Variants in DGKB observed in about 807,000 individuals in gnomAD.
DGKB encodes the protein diacylglycerol kinase beta.
Under a neutral mutation model 114.3 loss-of-function variants are expected in DGKB, and 67 were observed. That is an observed-to-expected ratio of 0.59 (90% CI 0.48 to 0.72). The LOEUF is 0.72. Ranked by LOEUF, DGKB falls within the 30% of genes least tolerant of loss-of-function variation. The pLI is 0.00. For synonymous variants in DGKB, 398 were observed against 323.1 expected (o/e 1.23, Z -2.49); for missense variants, 907 against 975.2 (o/e 0.93, Z 0.93).
intron 13 of DGKB, among the ~76,000 whole-genome samples, chr7:14,661,326 A>G (rs1817022992): frequency 1.4e-5 from 2 of 147,490 alleles, no homozygotes; most frequent in Non-Finnish European, 3.0e-5. Context: ...GCTAATATCC[A>G]GAATCTACAA....
intron 2 of DGKB, among the ~76,000 whole-genome samples, chr7:14,802,161 T>A (rs796951732): frequency 2.0e-5 from 3 of 152,232 alleles, no homozygotes; most frequent in African/African-American, 7.2e-5. Context: ...TAACTTTTAT[T>A]ACAAACTATA....
chr7:14,307,824 T>C (rs1168912944), intron 23 of DGKB, among the ~76,000 whole-genome samples: 1 of 152,150 alleles, frequency 6.6e-6, no homozygotes, highest in Non-Finnish European at 1.5e-5. Flanking sequence ...TCATATAAGC[T>C]CTAGCTTTTT....
intron 21 of DGKB, among the ~76,000 whole-genome samples, chr7:14,448,089 T>G (rs1388026910): frequency 6.6e-6 from 1 of 152,060 alleles, no homozygotes; most frequent in Non-Finnish European, 1.5e-5. Context: ...CAGTTTTGTG[T>G]GCAAGACAGT....
At chr7:14,154,163 T>C (rs923128530) in intron 25 of DGKB, among the ~76,000 whole-genome samples, 8 of 140,842 alleles carry the variant, frequency 5.7e-5, no homozygotes, top group Admixed American at 3.8e-4. Context: ...TAAATTGATA[T>C]GGTAGAGTTT....
intron 2 of DGKB, among the ~76,000 whole-genome samples, chr7:14,793,177 A>C (rs956584287): frequency 3.9e-5 from 6 of 152,174 alleles, no homozygotes; most frequent in Non-Finnish European, 8.8e-5. Flanking sequence ...TTCTACATAA[A>C]TATTATAATG....
chr7:14,350,363 T>A (rs936711771), intron 21 of DGKB, among the ~76,000 whole-genome samples: 4 of 152,128 alleles, frequency 2.6e-5, no homozygotes, highest in African/African-American at 7.2e-5. Flanking sequence ...TTGGCTTTCA[T>A]CGGCTTAGTA....
At chr7:14,628,299 C>G (rs1809009610) in intron 14 of DGKB, among the ~76,000 whole-genome samples, 1 of 108,752 alleles carries the variant, frequency 9.2e-6, no homozygotes, top group Non-Finnish European at 2.1e-5. Context: ...GACAAAATAA[C>G]ACAAGTTATG....
intron 20 of DGKB, among the ~76,000 whole-genome samples, chr7:14,534,437 A>C (rs1468690438): frequency 6.6e-6 from 1 of 152,156 alleles, no homozygotes; most frequent in Non-Finnish European, 1.5e-5. Flanking sequence ...AAGTGGGAAC[A>C]GTAAAACCTT....
intron 13 of DGKB, among the ~76,000 whole-genome samples, chr7:14,648,497 A>C (rs940414263): frequency 1.0e-5 from 1 of 98,658 alleles, no homozygotes; most frequent in African/African-American, 3.3e-5. Context: ...CCATCTGTAC[A>C]TCACCATCAT....
At chr7:14,467,418 T>C (rs1780643028) in intron 21 of DGKB, among the ~76,000 whole-genome samples, 1 of 150,948 alleles carries the variant, frequency 6.6e-6, no homozygotes, top group South Asian at 2.1e-4. Context: ...CTTATGTTTT[T>C]AATAAAAATA....
intron 23 of DGKB, among the ~76,000 whole-genome samples, chr7:14,337,268 T>G (rs1423228720): frequency 1.3e-5 from 2 of 152,080 alleles, no homozygotes; most frequent in African/African-American, 4.8e-5. Context: ...CGAACCTCAT[T>G]TTTTCTATAT....
chr7:14,666,573 G>C (rs1324485057), intron 13 of DGKB, among the ~76,000 whole-genome samples: 1 of 151,944 alleles, frequency 6.6e-6, no homozygotes, highest in African/African-American at 2.4e-5. Context: ...CATCTGTTTT[G>C]ACAATCAGTT....
intron 2 of DGKB, among the ~76,000 whole-genome samples, chr7:14,838,396 A>C (rs569578263): frequency 8.3e-4 from 127 of 152,260 alleles, no homozygotes; most frequent in African/African-American, 2.9e-3. Context: ...TAAGTACTTA[A>C]ACACTGGAAA....
chr7:14,567,495 A>ATATAATTATATAATTATATATTTATATAT (rs1171595272), intron 20 of DGKB, among the ~76,000 whole-genome samples: 3 of 88,760 alleles, frequency 3.4e-5, no homozygotes, highest in African/African-American at 1.4e-4. Context: ...TATATATTAT[A>ATATAATTATATAATTATATATTTATATAT]TATAATTATA....
At chr7:14,512,912 T>A (rs1187012255) in intron 20 of DGKB, among the ~76,000 whole-genome samples, 1 of 152,116 alleles carries the variant, frequency 6.6e-6, no homozygotes, top group Non-Finnish European at 1.5e-5. Context: ...CTCTCTTCTA[T>A]ATTCCTTCCT....
intron 14 of DGKB, among the ~76,000 whole-genome samples, chr7:14,629,722 C>G (rs144677048): frequency 8.8e-4 from 134 of 152,148 alleles, no homozygotes; most frequent in Middle Eastern, 6.8e-3. Flanking sequence ...GCCATTTATT[C>G]TGACTATATT....
chr7:14,516,347 C>T (rs1310275710), intron 20 of DGKB, among the ~76,000 whole-genome samples: 7 of 152,106 alleles, frequency 4.6e-5, no homozygotes, highest in Non-Finnish European at 7.4e-5. Flanking sequence ...TCTCCCAGTG[C>T]CATTTGTAAC....
chr7:14,308,897 T>A (rs78816758), intron 23 of DGKB, among the ~76,000 whole-genome samples: 1 of 152,286 alleles, frequency 6.6e-6, no homozygotes, highest in African/African-American at 2.4e-5. Context: ...TTGAGTTAAA[T>A]AGTCTGAGTT....
intron 23 of DGKB, among the ~76,000 whole-genome samples, chr7:14,188,986 A>C (rs2128266675): frequency 6.6e-6 from 1 of 152,296 alleles, no homozygotes; most frequent in Non-Finnish European, 1.5e-5. Context: ...AGATAAGAAA[A>C]AGCTAAGGGA....
Sources: gnomAD v4.1 joint callset for allele counts (sites outside exome capture counted in the v4.1 genomes callset) on GRCh38, gnomAD v4.1.1 for gene constraint, MANE v1.5 for transcripts, NCBI Gene and HGNC (gene_info 2026-07-23, HGNC 2026-07-21) for gene names.